Variants in TNIK observed in about 807,000 individuals in gnomAD.
The protein encoded by TNIK is TRAF2 and NCK interacting kinase.
TNIK carries 49 observed loss-of-function variants against 191.3 expected under a neutral mutation model. The observed-to-expected ratio is 0.26, with a 90% confidence interval of 0.20 to 0.32. The LOEUF is 0.32. Among genes scored for constraint, TNIK ranks in the 10% least tolerant of loss-of-function variants. The probability of loss-of-function intolerance (pLI) is 1.00; values close to 1 mark genes in which losing one functional copy is unlikely to be tolerated. For synonymous variants in TNIK, 594 were observed against 600.9 expected, an observed-to-expected ratio of 0.99 and a Z score of 0.17; for missense variants, 1,155 against 1,702.3, an observed-to-expected ratio of 0.68 and a Z score of 5.66.
chr3:171,406,809 T>C (rs1721756692), intron 1 of TNIK, among the ~76,000 whole-genome samples: 1 of 152,228 alleles, frequency 6.6e-6, no homozygotes, highest in Admixed American at 6.5e-5. Context: ...TGTGTCCCCA[T>C]CTTACAGATG....
intron 2 of TNIK, among the ~76,000 whole-genome samples, chr3:171,283,942 T>A (rs747187589): frequency 1.3e-5 from 2 of 152,228 alleles, no homozygotes; most frequent in African/African-American, 4.8e-5. Flanking sequence ...CTTGTTAAGA[T>A]GGAGTTACAG....
chr3:171,154,040 G>A (rs766054861), intron 12 of TNIK, among the ~76,000 whole-genome samples: 13 of 152,246 alleles, frequency 8.5e-5, no homozygotes, highest in African/African-American at 2.6e-4. Flanking sequence ...GTCAAATGAT[G>A]ACCTACAGAC....
chr3:171,417,771 G>A (rs2108621259), intron 1 of TNIK, among the ~76,000 whole-genome samples: 1 of 152,132 alleles, frequency 6.6e-6, no homozygotes, highest in East Asian at 1.9e-4. Flanking sequence ...CCACCTCACT[G>A]GGACTTCACC....
At chr3:171,146,904 A>AG (rs1731683916) in intron 12 of TNIK, among the ~76,000 whole-genome samples, 1 of 151,344 alleles carries the variant, frequency 6.6e-6, no homozygotes, top group African/African-American at 2.5e-5. Context: ...AAAAAAAAAA[A>AG]AAAAAAAAAG....
chr3:171,264,067 TACACACACAC>T (rs760319253), intron 2 of TNIK, among the ~76,000 whole-genome samples: 1,231 of 110,772 alleles, frequency 0.011, 36 homozygotes, highest in Admixed American at 0.054. Context: ...TATATATACA[TACACACACAC>T]ACACACACAC....
rs1349461921 is a variant in TNIK at position 171,171,930 on chromosome 3, A to G, written c.773+3322T>C. Reference sequence around the variant, plus strand: ...ACAAAGGTTACAACCCTCCCAGACAACTTATTATTAAATGGCTGAGCTGCC... The same window carrying G: ...ACAAAGGTTACAACCCTCCCAGACAGCTTATTATTAAATGGCTGAGCTGCC... On this transcript the variant is annotated intron_variant, in intron 9 of 32. Transcript: ENST00000436636. 2.0e-5 allele frequency among the ~76,000 whole-genome samples: 3 copies of G among 152,088 alleles called. No homozygotes were observed. The East Asian group carries it at 5.8e-4, about 29-fold the overall frequency.
chr3:171,429,905 T>C (rs1725149850), intron 1 of TNIK, among the ~76,000 whole-genome samples: 1 of 152,182 alleles, frequency 6.6e-6, no homozygotes, highest in Non-Finnish European at 1.5e-5. Flanking sequence ...TTACCACTCC[T>C]GTGTGGCTCA....
intron 2 of TNIK, among the ~76,000 whole-genome samples, chr3:171,336,565 A>G (rs1756968112): frequency 6.6e-6 from 1 of 152,228 alleles, no homozygotes; most frequent in Non-Finnish European, 1.5e-5. Flanking sequence ...AACAAAGACC[A>G]TAGTCCCCTC....
chr3:171,347,597 G>A (rs1712453190), intron 2 of TNIK, among the ~76,000 whole-genome samples: 1 of 152,148 alleles, frequency 6.6e-6, no homozygotes, highest in Non-Finnish European at 1.5e-5. Flanking sequence ...CCTAAATAAA[G>A]ATCCTTGAAT....
intron 5 of TNIK, among the ~76,000 whole-genome samples, chr3:171,191,772 A>G (rs1738095221): frequency 6.6e-6 from 1 of 152,208 alleles, no homozygotes; most frequent in Non-Finnish European, 1.5e-5. Context: ...CCATTTCTTC[A>G]TGAATTACTC....
At position 171,157,606 on chromosome 3, in the gene TNIK, G is replaced by C; in HGVS notation, c.1075C>G (p.Leu359Val). 6.4e-7 allele frequency: 1 copy of C among 1,556,836 alleles called. No homozygotes were observed. Among genetic ancestry groups the C allele is most frequent in the Non-Finnish European group, 8.7e-7 (1 of 1,150,278 alleles). The change falls in exon 12 of 33, where the codon CTG becomes GTG. Residue 359 changes from leucine (L) to valine (V), a missense_variant. By Grantham distance (32) the Leu-to-Val change is conservative. Transcript: ENST00000436636. ...GCCTCAGAACGCTCCTTGTTGGCCAGCTGCAGCCTCAGAAAGTCCCTCCGC... is the reference window on the plus strand; with the variant it reads ...GCCTCAGAACGCTCCTTGTTGGCCACCTGCAGCCTCAGAAAGTCCCTCCGC... ...TLRRDFLRLQLANKERSEALR... is the reference protein window; with the variant it reads ...TLRRDFLRLQVANKERSEALR...
intron 21 of TNIK, among the ~76,000 whole-genome samples, chr3:171,104,125 TATGAAAA>T (rs1576818823): frequency 6.6e-6 from 1 of 152,082 alleles, no homozygotes; most frequent in African/African-American, 2.4e-5. Flanking sequence ...CCAGAATCCC[TATGAAAA>T]GGTAAAAATA....
intron 1 of TNIK, among the ~76,000 whole-genome samples, chr3:171,437,938 C>T (rs982515314): frequency 1.1e-4 from 17 of 152,210 alleles, no homozygotes; most frequent in African/African-American, 3.4e-4. Flanking sequence ...TAGCTATCCA[C>T]GCCATGAGGC....
intron 1 of TNIK, among the ~76,000 whole-genome samples, chr3:171,382,035 A>AC (rs1480770670): frequency 3.3e-5 from 5 of 152,056 alleles, no homozygotes; most frequent in Non-Finnish European, 5.9e-5. Flanking sequence ...ATCTTCCTTA[A>AC]CCCACTAATA....
At chr3:171,198,361 G>A (rs926646312) in intron 4 of TNIK, among the ~76,000 whole-genome samples, 1 of 152,084 alleles carries the variant, frequency 6.6e-6, no homozygotes, top group African/African-American at 2.4e-5. Flanking sequence ...GACAGAAGCA[G>A]ACTAGTGGAT....
At chr3:171,172,569 T>C (rs1417469035) in intron 9 of TNIK, among the ~76,000 whole-genome samples, 2 of 152,208 alleles carry the variant, frequency 1.3e-5, no homozygotes, top group East Asian at 1.9e-4. Flanking sequence ...CTGGTGGAAT[T>C]GTATTGCAGA....
chr3:171,139,376 GCGCA>G (rs1407467952), intron 14 of TNIK, 90 bp downstream of exon 14: 118 of 532,058 alleles, frequency 2.2e-4, no homozygotes, highest in Middle Eastern at 6.5e-4. Flanking sequence ...ACACGCACGC[GCGCA>G]CACACACACA....
At chr3:171,071,672 G>C (rs1719199496) in intron 28 of TNIK, among the ~76,000 whole-genome samples, 1 of 152,026 alleles carries the variant, frequency 6.6e-6, no homozygotes. Flanking sequence ...TGGCTTTTAC[G>C]TTCACCCATA....
intron 2 of TNIK, among the ~76,000 whole-genome samples, chr3:171,342,116 C>T (rs971179791): frequency 1.3e-5 from 2 of 152,132 alleles, no homozygotes. Context: ...ATATAAATTA[C>T]GAAGACTAGA....
Sources: allele counts gnomAD v4.1 joint callset (sites outside exome capture counted in the v4.1 genomes callset), GRCh38; gene constraint gnomAD v4.1.1; transcripts MANE v1.5; gene names NCBI Gene and HGNC (gene_info 2026-07-23, HGNC 2026-07-21).